MCTP1: variants seen among roughly 807,000 people sequenced by gnomAD.
The protein encoded by MCTP1 is multiple C2 and transmembrane domain containing 1, also known as multiple C2 and transmembrane domain-containing protein 1.
A neutral mutation model predicts 120.6 loss-of-function variants in MCTP1; 69 were observed. The ratio of observed to expected loss-of-function variants is 0.57; its 90% confidence interval spans 0.47 to 0.70. The LOEUF is 0.70. Ranked by LOEUF, MCTP1 falls within the 30% of genes least tolerant of loss-of-function variation. MCTP1 has a pLI of 0.00. For missense variants in MCTP1, 1,203 were observed against 1,248.8 expected, an observed-to-expected ratio of 0.96 and a Z score of 0.55; for synonymous variants, 529 against 493.1, an observed-to-expected ratio of 1.07 and a Z score of -0.96.
chr5:95,045,386 G>A (rs1842985116), intron 1 of MCTP1, among the ~76,000 whole-genome samples: 1 of 152,108 alleles, frequency 6.6e-6, no homozygotes, highest in African/African-American at 2.4e-5. Context: ...TGTCTGTGTG[G>A]TACAACCTGG....
chr5:94,730,936 TCCACACACACACAC>T (rs1428450216), intron 19 of MCTP1, among the ~76,000 whole-genome samples: 1 of 133,344 alleles, frequency 7.5e-6, no homozygotes, highest in Non-Finnish European at 1.6e-5. Context: ...ACACACACAC[TCCACACACACACAC>T]TCCACACACA....
Position 94,824,065 on chromosome 5 carries a change from G to T in MCTP1, c.2437-24933C>A, listed in dbSNP as rs561881147. 2.8e-4 allele frequency among the ~76,000 whole-genome samples: 42 copies of T among 152,294 alleles called. No homozygotes were observed. The South Asian group carries it at 7.7e-3, about 28-fold the overall frequency. ...CTCTCTTGCCTGATTGCCCTGGCCA[G>T]AACTTCCAATACTATGTTGAATAGG... On this transcript the variant is annotated intron_variant, in intron 17 of 22. Coordinates refer to ENST00000515393, the MANE Select transcript of MCTP1 (RefSeq NM_024717.7).
intron 17 of MCTP1, among the ~76,000 whole-genome samples, chr5:94,850,811 T>C (rs1793532604): frequency 6.6e-6 from 1 of 152,136 alleles, no homozygotes. Flanking sequence ...CTAATACTGA[T>C]CATTTTAATT....
At chr5:94,818,614 G>A (rs535686944) in intron 17 of MCTP1, among the ~76,000 whole-genome samples, 1 of 152,316 alleles carries the variant, frequency 6.6e-6, no homozygotes, top group South Asian at 2.1e-4. Flanking sequence ...TCTGATAGCT[G>A]TGATGGCTCT....
chr5:94,724,348 C>G (rs1761640715), intron 19 of MCTP1, among the ~76,000 whole-genome samples: 2 of 151,646 alleles, frequency 1.3e-5, no homozygotes, highest in Admixed American at 1.3e-4. Context: ...TAGGCTCAAG[C>G]AATCCTCCCA....
At chr5:94,781,515 A>G (rs1308158531) in intron 18 of MCTP1, among the ~76,000 whole-genome samples, 1 of 152,202 alleles carries the variant, frequency 6.6e-6, no homozygotes, top group African/African-American at 2.4e-5. Context: ...AATGATGCAG[A>G]TTTATAAAAG....
intron 2 of MCTP1, among the ~76,000 whole-genome samples, chr5:95,000,368 A>G (rs1833436180): frequency 6.6e-6 from 1 of 152,158 alleles, no homozygotes; most frequent in Non-Finnish European, 1.5e-5. Context: ...TAACTGCAAA[A>G]CAGTCTCAGG....
At chr5:94,720,565 G>A (rs1242649047) in intron 19 of MCTP1, among the ~76,000 whole-genome samples, 1 of 152,114 alleles carries the variant, frequency 6.6e-6, no homozygotes, top group African/African-American at 2.4e-5. Flanking sequence ...TATATATAGT[G>A]TAATCCTAAT....
intron 1 of MCTP1, among the ~76,000 whole-genome samples, chr5:95,023,422 C>A (rs1562033275): frequency 6.6e-6 from 1 of 152,210 alleles, no homozygotes; most frequent in African/African-American, 2.4e-5. Context: ...TGAAGAGATT[C>A]TATCAACTGA....
chr5:94,931,308 CA>C (rs1814613496), intron 6 of MCTP1: 2 of 152,028 alleles, frequency 1.3e-5, no homozygotes, highest in Non-Finnish European at 2.9e-5. Flanking sequence ...TGATTTATTT[CA>C]AGGTATATTC....
intron 10 of MCTP1, among the ~76,000 whole-genome samples, chr5:94,896,429 T>C (rs1469537957): frequency 6.6e-6 from 1 of 152,130 alleles, no homozygotes; most frequent in African/African-American, 2.4e-5. Context: ...TTCTTTTTTT[T>C]CCCACTCACT....
intron 17 of MCTP1, among the ~76,000 whole-genome samples, chr5:94,802,595 A>G (rs948129779): frequency 2.6e-5 from 4 of 152,176 alleles, no homozygotes; most frequent in African/African-American, 9.7e-5. Context: ...TTAGTGTCCT[A>G]CTAGGGTAGT....
chr5:95,104,047 A>G (rs1756927400), intron 1 of MCTP1, among the ~76,000 whole-genome samples: 1 of 152,164 alleles, frequency 6.6e-6, no homozygotes, highest in Non-Finnish European at 1.5e-5. Context: ...CTATCCCTGC[A>G]TCTACAGCCT....
At chr5:95,237,269 G>A (rs1193384791) in intron 1 of MCTP1, among the ~76,000 whole-genome samples, 1 of 152,182 alleles carries the variant, frequency 6.6e-6, no homozygotes, top group Non-Finnish European at 1.5e-5. Context: ...CAGGCACCAT[G>A]TCTGAGCCTA....
intron 19 of MCTP1, among the ~76,000 whole-genome samples, chr5:94,734,917 C>A (rs921085444): frequency 1.3e-5 from 2 of 151,974 alleles, no homozygotes; most frequent in Non-Finnish European, 2.9e-5. Context: ...TATTGATGTA[C>A]CATTATTTAT....
intron 1 of MCTP1, among the ~76,000 whole-genome samples, chr5:95,190,676 C>A (rs947818131): frequency 2.0e-5 from 3 of 151,872 alleles, no homozygotes; most frequent in Admixed American, 6.6e-5. Context: ...AAAATAATTC[C>A]TTTTCTATCT....
At chr5:95,151,100 G>A (rs1760853096) in intron 1 of MCTP1, among the ~76,000 whole-genome samples, 1 of 147,610 alleles carries the variant, frequency 6.8e-6, no homozygotes, top group Non-Finnish European at 1.5e-5. Flanking sequence ...AAGTAGCTGG[G>A]ACTACAGGTG....
chr5:94,874,998 C>T (rs1163404170), intron 12 of MCTP1, among the ~76,000 whole-genome samples: 1 of 152,064 alleles, frequency 6.6e-6, no homozygotes, highest in Non-Finnish European at 1.5e-5. Flanking sequence ...TATTACTTAC[C>T]ATGTAGCAGG....
intron 2 of MCTP1, among the ~76,000 whole-genome samples, chr5:94,963,961 T>C (rs1487919131): frequency 6.6e-6 from 1 of 152,192 alleles, no homozygotes; most frequent in Non-Finnish European, 1.5e-5. Flanking sequence ...TACGTTTAAG[T>C]CTTTAATCTA....
Sources: gnomAD v4.1 joint callset for allele counts (sites outside exome capture counted in the v4.1 genomes callset) on GRCh38, gnomAD v4.1.1 for gene constraint, MANE v1.5 for transcripts, NCBI Gene and HGNC (gene_info 2026-07-23, HGNC 2026-07-21) for gene names.